The following CBR3 variants were observed in gnomAD, a reference collection of about 807,000 sequenced individuals.
The protein encoded by CBR3 is carbonyl reductase [NADPH] 3.
Under a neutral mutation model 11.6 loss-of-function variants are expected in CBR3, and 14 were observed. The observed-to-expected ratio is 1.20, with a 90% confidence interval of 0.79 to 1.88. The LOEUF is 1.88. Among genes scored for constraint, CBR3 ranks in the 40% most tolerant of loss-of-function variants. The pLI is 0.00. For synonymous variants in CBR3, 125 were observed against 145.6 expected, an observed-to-expected ratio of 0.86 and a Z score of 1.02; for missense variants, 308 against 357.3, an observed-to-expected ratio of 0.86 and a Z score of 1.11.
chr21:36,145,745 A>G (rs1304180784), intron 2 of CBR3, among the ~76,000 whole-genome samples: 1 of 151,228 alleles, frequency 6.6e-6, no homozygotes. Context: ...AGATCACTTG[A>G]TGTCAGGAGT....
At chr21:36,142,500 A>G (rs45600136) in intron 2 of CBR3, among the ~76,000 whole-genome samples, 6,518 of 151,466 alleles carry the variant, frequency 0.043, 184 homozygotes, top group Non-Finnish European at 0.063. Context: ...CAAAAACTGT[A>G]AAAGAACATT....
intron 2 of CBR3, among the ~76,000 whole-genome samples, chr21:36,145,467 G>C (rs2065746661): frequency 6.6e-6 from 1 of 152,048 alleles, no homozygotes; most frequent in African/African-American, 2.4e-5. Context: ...AGCTTCCTGA[G>C]TAGCTGAGAC....
chr21:36,143,372 A>G (rs375775039), intron 2 of CBR3, among the ~76,000 whole-genome samples: 1 of 152,102 alleles, frequency 6.6e-6, no homozygotes, highest in African/African-American at 2.4e-5. Context: ...AAAAGAACTC[A>G]CTAAAATTAG....
In CBR3 at chr21:36,146,350, T is replaced by TG. The variant is rs778945574; in HGVS notation, c.673dup (p.Ala225GlyfsTer25). The TG allele has an allele frequency of 1.2e-6, 2 of 1,614,134 alleles. No individual in the cohort carries two copies. Among genetic ancestry groups the TG allele is most frequent in the South Asian group, 2.2e-5 (2 of 91,086 alleles). ...GGAAAGCTGACAGGATTCTGGTGAA[T>TG]GCGTGCTGCCCAGGACCAGTGAAGA... On this transcript the variant is annotated frameshift_variant, in exon 3 of 3. Coordinates refer to ENST00000290354, the MANE Select transcript of CBR3 (RefSeq NM_001236.4). LOFTEE classifies it low-confidence loss of function (END_TRUNC).
At chr21:36,139,403 A>G (rs2065691227) in intron 2 of CBR3, among the ~76,000 whole-genome samples, 1 of 75,686 alleles carries the variant, frequency 1.3e-5, no homozygotes, top group African/African-American at 4.5e-5. Context: ...TTTTTTTTTG[A>G]CAGAGTTTCG....
At chr21:36,143,716 C>A (rs13049005) in intron 2 of CBR3, among the ~76,000 whole-genome samples, 1 of 151,672 alleles carries the variant, frequency 6.6e-6, no homozygotes, top group Non-Finnish European at 1.5e-5. Flanking sequence ...CCCGTTTCTA[C>A]GAAAAATACA....
rs2065648120 is a variant in CBR3, at chr21:36,135,178, G to A, written c.-15G>A. Reference sequence around the variant, plus strand: ...TCCGCCCTCCACGCAGGTGCCCCGCGCTCCCCGCTCAGCCATGTCGTCCTG... The same window carrying A: ...TCCGCCCTCCACGCAGGTGCCCCGCACTCCCCGCTCAGCCATGTCGTCCTG... On this transcript the variant is annotated 5_prime_UTR_variant, in exon 1 of 3. Coordinates refer to ENST00000290354, the MANE Select transcript of CBR3 (RefSeq NM_001236.4). 7.0e-7 allele frequency: 1 copy of A among 1,434,918 alleles called. No homozygotes were observed. The highest frequency in any genetic ancestry group is 1.5e-5 in the African/African-American group (1 of 67,466). The allele number at this position is 1,434,918 out of a possible 1,614,324, so 88.9% of individuals were successfully genotyped here. A position where few individuals can be genotyped will look rare whatever the true frequency, so the allele number is the denominator to read the frequency against.
chr21:36,146,180 C>A lies in CBR3; in HGVS notation c.502C>A (p.Leu168Met). ...CAGTGAGACACTCACAGAAGGAGAC[C>A]TGGTGGATCTCATGAAAAAGTTTGT... Reference protein sequence around the residue: ...FHSETLTEGDLVDLMKKFVED... With the variant: ...FHSETLTEGDMVDLMKKFVED... Residue 168 changes from leucine to methionine, a missense_variant, in exon 3 of 3, where the codon CTG becomes ATG. Leu to Met is a conservative substitution (Grantham distance 15). Coordinates refer to ENST00000290354, the MANE Select transcript of CBR3 (RefSeq NM_001236.4). 1 of 1,614,040 alleles carries A rather than the reference C, an allele frequency of 6.2e-7. No individual in the cohort carries two copies. Among genetic ancestry groups the A allele is most frequent in the South Asian group, 1.1e-5 (1 of 91,068 alleles).
chr21:36,139,463 C>A (rs1240664485), intron 2 of CBR3, among the ~76,000 whole-genome samples: 1 of 148,902 alleles, frequency 6.7e-6, no homozygotes, highest in Non-Finnish European at 1.5e-5. Context: ...CTCACTGCAA[C>A]CTCCACCTTC....
chr21:36,143,692 C>T (rs1307009712), intron 2 of CBR3, among the ~76,000 whole-genome samples: 2 of 151,910 alleles, frequency 1.3e-5, no homozygotes, highest in East Asian at 1.9e-4. Context: ...CCAGCCCGGC[C>T]AACATGGAGA....
chr21:36,141,693 G>GTTTC (rs1379530165), intron 2 of CBR3: 1 of 152,580 alleles, frequency 6.6e-6, no homozygotes, highest in Admixed American at 6.5e-5. Flanking sequence ...CGGGACCGGT[G>GTTTC]GGGCCACCTG....
intron 2 of CBR3, among the ~76,000 whole-genome samples, chr21:36,142,436 A>AAAAAAAAAACAAAC (rs1555883304): frequency 4.2e-5 from 5 of 119,628 alleles, no homozygotes; most frequent in Non-Finnish European, 5.2e-5. Context: ...CATCTCAAAA[A>AAAAAAAAAACAAAC]AAAAAAAAAA....
chr21:36,136,511 GCTTT>G (rs1193915920), intron 1 of CBR3, among the ~76,000 whole-genome samples: 2 of 152,128 alleles, frequency 1.3e-5, no homozygotes, highest in Admixed American at 6.5e-5. Context: ...CAGCCTGCCG[GCTTT>G]CTGAGAGCTG....
intron 2 of CBR3, among the ~76,000 whole-genome samples, chr21:36,142,431 C>CAAAAAAAAAAAAACAAAAAAAAAA (rs1555883285): frequency 1.7e-4 from 7 of 40,412 alleles, no homozygotes; most frequent in African/African-American, 7.9e-4. Context: ...GACTCCATCT[C>CAAAAAAAAAAAAACAAAAAAAAAA]AAAAAAAAAA....
chr21:36,135,515 G>T, intron 1 of CBR3, 34 bp downstream of exon 1: 2 of 1,559,074 alleles, frequency 1.3e-6, no homozygotes, highest in Non-Finnish European at 8.7e-7. Flanking sequence ...GCCCCCTGGA[G>T]CGCTCCGAGG....
intron 1 of CBR3, chr21:36,137,528 AAGGAAGGAAGG>A (rs2065669988): frequency 1.1e-5 from 1 of 94,916 alleles, no homozygotes; most frequent in African/African-American, 8.5e-5. Context: ...GGAAGGAAGG[AAGGAAGGAAGG>A]AAGGAAGGAA....
At chr21:36,136,114 A>G (rs1199241834) in intron 1 of CBR3, among the ~76,000 whole-genome samples, 1 of 152,100 alleles carries the variant, frequency 6.6e-6, no homozygotes, top group Non-Finnish European at 1.5e-5. Context: ...ATCTTCCTTA[A>G]GGAGAGGGGC....
Position 36,135,100 on chromosome 21 carries a change from C to T in CBR3, c.-93C>T. On this transcript the variant is annotated 5_prime_UTR_variant, in exon 1 of 3. Coordinates refer to ENST00000290354, the MANE Select transcript of CBR3 (RefSeq NM_001236.4). ...TCCCAGAACTTAGTCTGCGCGGCGG[C>T]ATTGACACTAGCTGGGCTCCTCGGG... The T allele has an allele frequency of 8.1e-7, 1 of 1,231,122 alleles. No individual in the cohort carries two copies. The highest frequency in any genetic ancestry group is 1.1e-6 in the Non-Finnish European group (1 of 933,422). The allele number at this position is 1,231,122 out of a possible 1,614,324, so 76.3% of individuals were successfully genotyped here.
At position 36,141,925 on chromosome 21, in the gene CBR3, C is replaced by T. The variant is rs115624756; in HGVS notation, c.397+3993C>T. 809 of 984,530 alleles carry T rather than the reference C, an allele frequency of 8.2e-4. 4 individuals are homozygous for T. In the African/African-American group the frequency reaches 0.013, roughly 16 times the overall value. The allele number at this position is 984,530 out of a possible 1,614,324, so 61.0% of individuals were successfully genotyped here. ...CCATTCACATTTAATTCCTTGTAGC[C>T]GCCAAGTTTCTGAGAACAAAGCTGT... is the stretch of plus-strand genomic sequence containing the variant. On this transcript the variant is annotated intron_variant, in intron 2 of 2. Coordinates refer to ENST00000290354, the MANE Select transcript of CBR3 (RefSeq NM_001236.4).
Sources: gnomAD v4.1 joint callset for allele counts (sites outside exome capture counted in the v4.1 genomes callset) on GRCh38, gnomAD v4.1.1 for gene constraint, MANE v1.5 for transcripts, NCBI Gene and HGNC (gene_info 2026-07-23, HGNC 2026-07-21) for gene names.